The following SIPA1L3 variants were observed in gnomAD, a reference collection of about 807,000 sequenced individuals.
SIPA1L3 encodes signal induced proliferation associated 1 like 3, also known as signal-induced proliferation-associated 1-like protein 3.
In SIPA1L3, 59 loss-of-function variants were observed where a neutral mutation model predicts 150.1. The ratio of observed to expected loss-of-function variants is 0.39; its 90% CI spans 0.32 to 0.49. The LOEUF is 0.49. SIPA1L3 is among the 20% of genes least tolerant of loss of function. SIPA1L3 has a pLI of 0.86. For missense variants in SIPA1L3, 2,211 were observed against 2,489.5 expected, an observed-to-expected ratio of 0.89 and a Z score of 2.38; for synonymous variants, 1,070 against 1,077.6, an observed-to-expected ratio of 0.99 and a Z score of 0.14.
rs948051006 is a variant in SIPA1L3, at chr19:38,047,629, G to A, written c.-311+18473G>A. On this transcript the variant is annotated intron_variant, in intron 2 of 21. Transcript: ENST00000222345. This position sits in a 1 kb window ranked among gnomAD's most constrained non-coding sequence, Gnocchi z 4.7. Reference sequence around the variant, plus strand: ...TGTGGGTAGAGCGATGATTGAACCCGGGCCGGGCTGACCCCAGAGCGCACG... The same window carrying A: ...TGTGGGTAGAGCGATGATTGAACCCAGGCCGGGCTGACCCCAGAGCGCACG... 3.9e-5 allele frequency among the ~76,000 whole-genome samples: 6 copies of A among 152,170 alleles called. No homozygotes were observed. The highest frequency in any genetic ancestry group is 9.7e-5 in the African/African-American group (4 of 41,434).
chr19:38,162,883 C>T (rs775400735), intron 14 of SIPA1L3, among the ~76,000 whole-genome samples: 2 of 152,182 alleles, frequency 1.3e-5, no homozygotes, highest in Admixed American at 6.5e-5. Flanking sequence ...TAGCCCAGGC[C>T]TGGAAATGGC....
chr19:38,090,562 G>A (rs533834275), intron 4 of SIPA1L3, among the ~76,000 whole-genome samples: 33 of 152,342 alleles, frequency 2.2e-4, no homozygotes, highest in Admixed American at 1.8e-3. Context: ...TCAGCAAAAA[G>A]AGGGGACCCA....
intron 15 of SIPA1L3, among the ~76,000 whole-genome samples, chr19:38,179,654 ACCC>A: frequency 6.6e-6 from 1 of 152,114 alleles, no homozygotes; most frequent in South Asian, 2.1e-4. Flanking sequence ...ATGTGTTTTA[ACCC>A]AGCAGTATAG....
chr19:38,193,698 A>ACGCCGC lies in SIPA1L3; in HGVS notation c.4760_4765dup (p.Arg1587_Arg1588dup), dbSNP rs771103705. The ACGCCGC allele has an allele frequency of 6.4e-7, 1 of 1,572,350 alleles. No individual in the cohort carries two copies. Among genetic ancestry groups the ACGCCGC allele is most frequent in the South Asian group, 1.1e-5 (1 of 87,470 alleles). ...CCTTCCCGTCCAGCACGCTGCCTGC[A>ACGCCGC]CGCCGCCAGCACCAGCACCCCCACC... On this transcript the variant is annotated inframe_insertion, in exon 18 of 22. Transcript: ENST00000222345.
chr19:38,067,899 C>T (rs2145793445), intron 2 of SIPA1L3, among the ~76,000 whole-genome samples: 1 of 152,276 alleles, frequency 6.6e-6, no homozygotes, highest in Admixed American at 6.5e-5. Flanking sequence ...TCTGCCATGG[C>T]ACTAGCTAAT....
At chr19:38,113,595 C>G (rs1970815975) in intron 8 of SIPA1L3, among the ~76,000 whole-genome samples, 1 of 151,268 alleles carries the variant, frequency 6.6e-6, no homozygotes, top group African/African-American at 2.4e-5. Context: ...GGTGACAGAG[C>G]AAGACTCTCT....
intron 1 of SIPA1L3, among the ~76,000 whole-genome samples, chr19:37,948,089 G>T (rs567169868): frequency 6.6e-6 from 1 of 152,330 alleles, no homozygotes; most frequent in South Asian, 2.1e-4. Flanking sequence ...CACTTAGGCA[G>T]CGGAAGTGTC....
chr19:38,127,900 C>T (rs1304748283), intron 9 of SIPA1L3, among the ~76,000 whole-genome samples: 21 of 151,990 alleles, frequency 1.4e-4, no homozygotes, highest in African/African-American at 4.8e-5. Flanking sequence ...TAAGCAAAAG[C>T]AATTTATTTC....
chr19:38,106,396 C>G, intron 6 of SIPA1L3, 141 bp from the exon 7 acceptor site: 2 of 688,312 alleles, frequency 2.9e-6, no homozygotes, highest in Non-Finnish European at 5.3e-6. Context: ...TGTGAACCAC[C>G]AGGCCTGGCC....
At chr19:38,205,166 C>T (rs544298805) in intron 21 of SIPA1L3, among the ~76,000 whole-genome samples, 7 of 151,944 alleles carry the variant, frequency 4.6e-5, no homozygotes, top group South Asian at 2.1e-4. Flanking sequence ...CTCCATGGGG[C>T]GGAAGGATGA....
intron 3 of SIPA1L3, among the ~76,000 whole-genome samples, chr19:38,086,126 A>C (rs531455751): frequency 2.3e-4 from 35 of 152,216 alleles, no homozygotes; most frequent in Non-Finnish European, 4.9e-4. Flanking sequence ...AAGGATTTAG[A>C]GGATTTAGAT....
chr19:38,191,841 C>T (rs1379446263), intron 16 of SIPA1L3, among the ~76,000 whole-genome samples: 2 of 152,202 alleles, frequency 1.3e-5, no homozygotes, highest in Non-Finnish European at 2.9e-5. Flanking sequence ...TCCCCTCACA[C>T]AGGGGGTCTG....
chr19:38,089,564 C>T (rs1392863110), intron 4 of SIPA1L3, among the ~76,000 whole-genome samples: 2 of 152,140 alleles, frequency 1.3e-5, no homozygotes, highest in African/African-American at 4.8e-5. Flanking sequence ...AAGCCTCAGG[C>T]AGGACAGGAA....
intron 2 of SIPA1L3, among the ~76,000 whole-genome samples, chr19:38,051,116 G>A (rs1004349465): frequency 7.2e-5 from 11 of 152,158 alleles, no homozygotes; most frequent in African/African-American, 2.7e-4. Flanking sequence ...CATGGTAAAT[G>A]CTATAGTCAT....
At chr19:38,002,907 G>A (rs1295766522) in intron 1 of SIPA1L3, among the ~76,000 whole-genome samples, 1 of 151,856 alleles carries the variant, frequency 6.6e-6, no homozygotes, top group East Asian at 1.9e-4. Flanking sequence ...CACTTTGGGA[G>A]CCAAGACAGG....
intron 9 of SIPA1L3, among the ~76,000 whole-genome samples, chr19:38,120,308 A>G (rs1254664054): frequency 6.6e-6 from 1 of 152,012 alleles, no homozygotes; most frequent in East Asian, 1.9e-4. Flanking sequence ...CAAAAAAAAA[A>G]AAAAGAAAAG....
chr19:37,976,226 G>A (rs1358172597), intron 1 of SIPA1L3, among the ~76,000 whole-genome samples: 1 of 152,114 alleles, frequency 6.6e-6, no homozygotes, highest in African/African-American at 2.4e-5. Flanking sequence ...GGCGCCCCAG[G>A]GGAGGGTTGT....
At chr19:38,191,105 G>A (rs1009876750) in intron 16 of SIPA1L3, among the ~76,000 whole-genome samples, 1 of 152,160 alleles carries the variant, frequency 6.6e-6, no homozygotes, top group African/African-American at 2.4e-5. Context: ...TGGCTGTGGT[G>A]GGGATCAAAT....
intron 1 of SIPA1L3, among the ~76,000 whole-genome samples, chr19:37,965,395 G>T (rs559399972): frequency 5.2e-4 from 77 of 149,110 alleles, no homozygotes; most frequent in Non-Finnish European, 1.0e-3. Context: ...GGCTCACTGT[G>T]ACCTCCGTCT....
Sources: gnomAD v4.1 joint callset for allele counts (sites outside exome capture counted in the v4.1 genomes callset) on GRCh38, gnomAD v4.1.1 for gene constraint, Gnocchi (gnomAD v3.1) non-coding constraint, MANE v1.5 for transcripts, NCBI Gene and HGNC (gene_info 2026-07-23, HGNC 2026-07-21) for gene names.